The following GLT1D1 variants were observed in gnomAD, a reference collection of about 807,000 sequenced individuals.
GLT1D1 encodes glycosyltransferase 1 domain containing 1.
Under a neutral mutation model 28.7 loss-of-function variants are expected in GLT1D1, and 21 were observed. The ratio of observed to expected loss-of-function variants is 0.73; its 90% CI spans 0.52 to 1.05. The LOEUF is 1.05. Among genes scored for constraint, GLT1D1 ranks in the 50% least tolerant of loss-of-function variants. The pLI is 0.00. For missense variants in GLT1D1, 343 were observed against 330.6 expected, an observed-to-expected ratio of 1.04 and a Z score of -0.29; for synonymous variants, 147 against 124.8, an observed-to-expected ratio of 1.18 and a Z score of -1.19.
At chr12:128,919,013 G>T (rs1872384169) in intron 4 of GLT1D1, among the ~76,000 whole-genome samples, 1 of 152,342 alleles carries the variant, frequency 6.6e-6, no homozygotes, top group South Asian at 2.1e-4. Flanking sequence ...TAGAGAGACT[G>T]GTTGTGGCTC....
chr12:128,938,333 T>A (rs963065656), intron 4 of GLT1D1, among the ~76,000 whole-genome samples: 2 of 152,112 alleles, frequency 1.3e-5, no homozygotes, highest in African/African-American at 2.4e-5. Context: ...AACAAAAAAA[T>A]TGTGTATGGC....
chr12:128,934,196 G>GTTTT (rs1410503648), intron 4 of GLT1D1, among the ~76,000 whole-genome samples: 4 of 128,686 alleles, frequency 3.1e-5, no homozygotes, highest in South Asian at 2.8e-4. Context: ...CAAAGAGACA[G>GTTTT]TCTTTTTTTT....
intron 1 of GLT1D1, among the ~76,000 whole-genome samples, chr12:128,855,253 C>CA (rs1033892275): frequency 7.5e-6 from 1 of 132,900 alleles, no homozygotes; most frequent in African/African-American, 2.8e-5. Context: ...ACAACAACAA[C>CA]AACAAAAAAA....
chr12:128,943,722 T>C (rs2135485835), intron 4 of GLT1D1, among the ~76,000 whole-genome samples: 1 of 152,344 alleles, frequency 6.6e-6, no homozygotes. Context: ...ACAGCATATA[T>C]GGTTAGCATA....
At chr12:128,920,664 C>T (rs1872581238) in intron 4 of GLT1D1, among the ~76,000 whole-genome samples, 2 of 152,164 alleles carry the variant, frequency 1.3e-5, no homozygotes, top group Non-Finnish European at 2.9e-5. Context: ...TGAGCCCGCT[C>T]ATGACTCATA....
At chr12:128,926,235 TAA>T (rs200119226) in intron 4 of GLT1D1, 122 bp from the exon 7 acceptor site, 133 of 253,766 alleles carry the variant, frequency 5.2e-4, no homozygotes, top group African/African-American at 2.5e-3. Context: ...ATAATAATAA[TAA>T]GAGTAGGAGA....
At chr12:128,879,434 C>CTTTT (rs1276150570) in intron 2 of GLT1D1, among the ~76,000 whole-genome samples, 5 of 102,318 alleles carry the variant, frequency 4.9e-5, no homozygotes, top group Non-Finnish European at 3.9e-5. Flanking sequence ...TTCTTTCTTT[C>CTTTT]TTTCTTTCTT....
intron 4 of GLT1D1, among the ~76,000 whole-genome samples, chr12:128,922,158 A>G (rs1872720640): frequency 1.0e-5 from 1 of 95,824 alleles, no homozygotes; most frequent in African/African-American, 3.7e-5. Flanking sequence ...TGACTATGTA[A>G]ACTCTGTGTG....
chr12:128,885,593 G>T (rs1002654652), intron 2 of GLT1D1, among the ~76,000 whole-genome samples: 2 of 152,172 alleles, frequency 1.3e-5, no homozygotes, highest in African/African-American at 4.8e-5. Context: ...TTGGCCAAAG[G>T]CATGCCTGTT....
chr12:128,964,237 T>G (rs1015459067), intron 7 of GLT1D1, among the ~76,000 whole-genome samples: 1 of 152,056 alleles, frequency 6.6e-6, no homozygotes, highest in Non-Finnish European at 1.5e-5. Context: ...TAAAATATTA[T>G]CTGGGGGTGG....
intron 3 of GLT1D1, among the ~76,000 whole-genome samples, chr12:128,891,576 G>A (rs1327376538): frequency 6.6e-6 from 1 of 152,140 alleles, no homozygotes; most frequent in African/African-American, 2.4e-5. Context: ...GGGAAGCTCT[G>A]GCCAGGGAAT....
At chr12:128,935,538 CAA>C (rs35895301) in intron 4 of GLT1D1, among the ~76,000 whole-genome samples, 71 of 82,982 alleles carry the variant, frequency 8.6e-4, no homozygotes, top group Admixed American at 1.3e-3. Context: ...GACTCTGTCT[CAA>C]AAAAAAAAAA....
intron 1 of GLT1D1, among the ~76,000 whole-genome samples, chr12:128,868,472 C>T (rs914084738): frequency 2.6e-5 from 4 of 152,270 alleles, no homozygotes; most frequent in South Asian, 4.1e-4. Context: ...AAGCGTCACT[C>T]GTCCGTATGG....
chr12:128,945,200 C>G (rs761887300), intron 4 of GLT1D1, 126 bp from the exon 9 acceptor site: 4 of 935,120 alleles, frequency 4.3e-6, no homozygotes, highest in South Asian at 1.3e-5. Flanking sequence ...CGCGAGGACA[C>G]CCCCGTGGCC....
intron 4 of GLT1D1, among the ~76,000 whole-genome samples, chr12:128,904,622 T>TA (rs1870638838): frequency 3.3e-5 from 2 of 61,488 alleles, no homozygotes; most frequent in Non-Finnish European, 6.8e-5. Flanking sequence ...ATGAAAACAG[T>TA]CTTTTTTTTT....
At chr12:128,894,312 G>A (rs1441683795) in intron 3 of GLT1D1, among the ~76,000 whole-genome samples, 2 of 152,120 alleles carry the variant, frequency 1.3e-5, no homozygotes, top group Non-Finnish European at 2.9e-5. Context: ...GCTCGGGGCA[G>A]GCACAGACAG....
chr12:128,859,060 A>G (rs1042443046), intron 1 of GLT1D1, among the ~76,000 whole-genome samples: 1 of 152,116 alleles, frequency 6.6e-6, no homozygotes, highest in African/African-American at 2.4e-5. Context: ...TGCCTCCCTA[A>G]AATGTGTAAA....
At chr12:128,964,247 G>C (rs1249810472) in intron 7 of GLT1D1, among the ~76,000 whole-genome samples, 1 of 152,184 alleles carries the variant, frequency 6.6e-6, no homozygotes, top group African/African-American at 2.4e-5. Flanking sequence ...TCTGGGGGTG[G>C]TGACAGATGC....
chr12:128,905,482 C>A (rs1312314653), intron 4 of GLT1D1, among the ~76,000 whole-genome samples: 1 of 152,172 alleles, frequency 6.6e-6, no homozygotes, highest in East Asian at 1.9e-4. Context: ...AACTTCAGCC[C>A]CCAGGGCTGC....
Sources: gnomAD v4.1 joint callset for allele counts (sites outside exome capture counted in the v4.1 genomes callset) on GRCh38, gnomAD v4.1.1 for gene constraint, MANE v1.5 for transcripts, NCBI Gene and HGNC (gene_info 2026-07-23, HGNC 2026-07-21) for gene names.